The following PABPC1L variants were observed in gnomAD, a reference collection of about 807,000 sequenced individuals.
PABPC1L encodes the protein polyadenylate-binding protein 1-like.
A neutral mutation model predicts 66.6 loss-of-function variants in PABPC1L; 31 were observed. That is an observed-to-expected ratio of 0.47 (90% CI 0.35 to 0.63). The LOEUF (loss-of-function observed/expected upper bound fraction) is 0.63. Among genes scored for constraint, PABPC1L ranks in the 20% least tolerant of loss-of-function variants. The probability of loss-of-function intolerance (pLI) is 0.00; values close to 1 mark genes in which losing one functional copy is unlikely to be tolerated. For missense variants in PABPC1L, 722 were observed against 848.8 expected (o/e 0.85, Z 1.86); for synonymous variants, 348 against 335.1 (o/e 1.04, Z -0.42).
At chr20:44,924,325 C>G (rs2066794153) in intron 7 of PABPC1L, 69 bp downstream of exon 7, 3 of 1,243,538 alleles carry the variant, frequency 2.4e-6, no homozygotes, top group East Asian at 2.3e-5. Flanking sequence ...CCCCCACAAC[C>G]CCACCCCTCC....
rs374958444 is a variant in PABPC1L, at chr20:44,935,448, G to A, written c.1517G>A (p.Arg506Gln). ...GGGGTAGGATGCTGTACACCAGGCC[G>A]GCCGCTCCTGCCGTGCAAATGTTCC... ...PSGVGCCTPGRPLLPCKCSSA... is the reference protein window; with the variant it reads ...PSGVGCCTPGQPLLPCKCSSA... Residue 506 changes from arginine (R) to glutamine (Q), a missense_variant, in exon 11 of 15, where the codon CGG (arginine) becomes CAG (glutamine). By Grantham distance (43) the Arg-to-Gln change is conservative. Around this residue, in one of 3 missense-constraint regions of PABPC1L, gnomAD observed 301 missense variants for 337.2 expected, o/e 0.89. Coordinates refer to ENST00000217073, the MANE Select transcript of PABPC1L (RefSeq NM_001372179.1). 50 of 1,614,006 alleles carry A rather than the reference G, an allele frequency of 3.1e-5. No homozygotes were observed. The Admixed American group carries it at 5.3e-4, about 17-fold the overall frequency.
In PABPC1L at chr20:44,933,115, G is replaced by C. The variant is rs755049127; in HGVS notation, c.1389G>C (p.Pro463=). Residue 463 remains proline (P), a synonymous_variant, in exon 10 of 15, where the codon CCG becomes CCC. Transcript: ENST00000217073. ...VRPPVVPRRP[P]AHISSVRQAS... ...CACCAGTTGTGCCTCGGCGCCCCCC[G>C]GCCCACATCAGCAGTGTCAGGCAGG... 1 of 1,608,320 alleles carries C rather than the reference G, an allele frequency of 6.2e-7. No homozygotes were observed.
chr20:44,910,150 G>A lies in PABPC1L; in HGVS notation c.7G>A (p.Ala3Thr), dbSNP rs2066693164. The change falls in exon 1 of 15, where the codon GCC (alanine) becomes ACC (threonine). Residue 3 changes from alanine (A) to threonine (T), a missense_variant. Transcript: ENST00000217073. ...CCCCGGCCCCCTGCCCACCATGAAC[G>A]CCAGCGGTTCTGGCTACCCGCTTGC... is the stretch of plus-strand genomic sequence containing the variant. MNASGSGYPLASL... is the reference protein window; with the variant it reads MNTSGSGYPLASL... The A allele has an allele frequency of 1.9e-6, 3 of 1,563,370 alleles. No individual in the cohort carries two copies. The highest frequency in any genetic ancestry group is 1.2e-5 in the South Asian group (1 of 85,182).
intron 5 of PABPC1L, among the ~76,000 whole-genome samples, chr20:44,921,207 T>C (rs535827272): frequency 2.4e-4 from 36 of 150,348 alleles, no homozygotes; most frequent in Non-Finnish European, 3.7e-4. Context: ...TGGAGTGCAA[T>C]GGCGTGATCT....
chr20:44,930,320 G>A (rs2066841934), intron 7 of PABPC1L, 140 bp from the exon 8 acceptor site: 5 of 1,175,276 alleles, frequency 4.3e-6, no homozygotes, highest in South Asian at 1.5e-5. Context: ...GTAAACAGGG[G>A]TGCACGCTAC....
intron 7 of PABPC1L, among the ~76,000 whole-genome samples, chr20:44,927,388 C>T (rs2066817669): frequency 6.6e-6 from 1 of 151,378 alleles, no homozygotes; most frequent in Non-Finnish European, 1.5e-5. Flanking sequence ...GCTCTTGTTG[C>T]CCAGGCTAGA....
In PABPC1L at chr20:44,919,282, G is replaced by C; in HGVS notation, c.738+5G>C. The C allele has an allele frequency of 6.2e-7, 1 of 1,614,092 alleles. No individual in the cohort carries two copies. Among genetic ancestry groups the C allele is most frequent in the East Asian group, 2.2e-5 (1 of 44,876 alleles). On this transcript the variant is annotated splice_donor_5th_base_variant and intron_variant, in intron 5 of 14. Coordinates refer to ENST00000217073, the MANE Select transcript of PABPC1L (RefSeq NM_001372179.1). ...AAGCATGAGGAAGCCCAGAAGGTAGGAGCCTCCCCATGGCTCTGTTCTGCA... is the reference window on the plus strand; with the variant it reads ...AAGCATGAGGAAGCCCAGAAGGTAGCAGCCTCCCCATGGCTCTGTTCTGCA...
chr20:44,931,087 C>CCCTTCCTTCCTTCCTTCCTT (rs1378700010), intron 8 of PABPC1L, among the ~76,000 whole-genome samples: 4 of 38,428 alleles, frequency 1.0e-4, no homozygotes, highest in African/African-American at 3.6e-4. Context: ...CTCCCTCCCT[C>CCCTTCCTTCCTTCCTTCCTT]CCTTCCTTCC....
chr20:44,919,467 T>G (rs1304300968), intron 5 of PABPC1L, among the ~76,000 whole-genome samples, 190 bp downstream of exon 5: 1 of 152,220 alleles, frequency 6.6e-6, no homozygotes, highest in Admixed American at 6.5e-5. Flanking sequence ...TTTGGTCACT[T>G]CTAAGCCCTG....
chr20:44,937,817 C>T (rs1012536484), intron 12 of PABPC1L: 11 of 493,348 alleles, frequency 2.2e-5, no homozygotes, highest in African/African-American at 2.2e-4. Context: ...CTTTCCGCCC[C>T]CACTTAAGGC....
intron 8 of PABPC1L, 72 bp from the exon 9 acceptor site, chr20:44,932,270 C>A: frequency 8.1e-7 from 1 of 1,228,086 alleles, no homozygotes; most frequent in Non-Finnish European, 1.2e-6. Context: ...GCCATGGTGT[C>A]CCTGAGGAGG....
Position 44,930,473 on chromosome 20 carries a change from G to T in PABPC1L, c.986G>T (p.Gly329Val), listed in dbSNP as rs1180816976. 57 of 1,613,586 alleles carry T rather than the reference G, an allele frequency of 3.5e-5. No homozygotes were observed. Among genetic ancestry groups the T allele is most frequent in the Non-Finnish European group, 4.8e-5 (57 of 1,179,684 alleles). The change falls in exon 8 of 15, where the codon GGT becomes GTT. Residue 329 changes from glycine (G) to valine (V), a missense_variant. Physicochemically the swap from Gly to Val is moderately radical, Grantham distance 109. This residue lies in a region of PABPC1L where 137 missense variants were observed against 216.8 expected (regional missense o/e 0.63). Coordinates refer to ENST00000217073, the MANE Select transcript of PABPC1L (RefSeq NM_001372179.1). Reference sequence around the variant, plus strand: ...TCTTGCTTTTAGGTGATGACAGAGGGTGGCCACAGCAAGGGGTTTGGCTTT... The same window carrying T: ...TCTTGCTTTTAGGTGATGACAGAGGTTGGCCACAGCAAGGGGTTTGGCTTT... Reference protein sequence around the residue: ...VITSAKVMTEGGHSKGFGFVC... With the variant: ...VITSAKVMTEVGHSKGFGFVC...
intron 7 of PABPC1L, among the ~76,000 whole-genome samples, chr20:44,929,186 C>T (rs183868934): frequency 1.8e-4 from 28 of 151,394 alleles, no homozygotes; most frequent in Non-Finnish European, 3.2e-4. Context: ...CCCTGGAGCC[C>T]GGGAGTTTGA....
chr20:44,911,685 G>A (rs995726631), intron 1 of PABPC1L, among the ~76,000 whole-genome samples: 1 of 152,148 alleles, frequency 6.6e-6, no homozygotes, highest in Middle Eastern at 3.2e-3. Flanking sequence ...TACTGGGCTG[G>A]ATTCCTGGGC....
At chr20:44,915,033 G>A (rs2066729167) in intron 2 of PABPC1L, among the ~76,000 whole-genome samples, 1 of 152,200 alleles carries the variant, frequency 6.6e-6, no homozygotes, top group African/African-American at 2.4e-5. Flanking sequence ...AGTCAACGTG[G>A]TTAAATCCAA....
rs2066793328 is a variant in PABPC1L at position 44,924,256 on chromosome 20, G to A, written c.972G>A (p.Lys324=). The part of the protein sequence containing the change: ...FSPYGVITSA[K]VMTEGGHSKG... ...CCTATGGAGTAATTACCAGTGCGAA[G>A]GTGAGGACTGGGGGCACCTCCGGGG... is the stretch of plus-strand genomic sequence containing the variant. The change falls in exon 7 of 15, where the codon AAG becomes AAA. Residue 324 remains lysine, a splice_region_variant and synonymous_variant. Transcript: ENST00000217073. 1 of 1,609,910 alleles carries A rather than the reference G, an allele frequency of 6.2e-7. No individual in the cohort carries two copies. The highest frequency in any genetic ancestry group is 1.3e-5 in the African/African-American group (1 of 74,786).
chr20:44,933,406 C>CA, intron 10 of PABPC1L, among the ~76,000 whole-genome samples: 1 of 151,648 alleles, frequency 6.6e-6, no homozygotes, highest in Non-Finnish European at 1.5e-5. Context: ...AAAATGGGGA[C>CA]AAAAATAGTA....
chr20:44,933,861 C>T (rs561434516), intron 10 of PABPC1L, among the ~76,000 whole-genome samples: 2 of 151,406 alleles, frequency 1.3e-5, no homozygotes, highest in South Asian at 4.2e-4. Context: ...AAGCGATTCT[C>T]CTGCCTCAGC....
intron 13 of PABPC1L, 48 bp from the exon 14 acceptor site, chr20:44,938,626 C>A (rs1357711350): frequency 6.4e-7 from 1 of 1,560,940 alleles, no homozygotes; most frequent in Non-Finnish European, 8.7e-7. Context: ...TCTTCTGTGA[C>A]CTGCTAAGAT....
Sources: gnomAD v4.1 joint callset for allele counts (sites outside exome capture counted in the v4.1 genomes callset) on GRCh38, gnomAD v4.1.1 for gene constraint, gnomAD v4.1.1 regional missense constraint, MANE v1.5 for transcripts, NCBI Gene and HGNC (gene_info 2026-07-23, HGNC 2026-07-21) for gene names.